SEMA3C: variants seen among roughly 807,000 people sequenced by gnomAD.
The protein encoded by SEMA3C is semaphorin-3C.
In SEMA3C, 47 loss-of-function variants were observed where a neutral mutation model predicts 89.4. The observed-to-expected ratio is 0.53, with a 90% CI of 0.42 to 0.67. The LOEUF (loss-of-function observed/expected upper bound fraction) is 0.67, where lower values mean the gene tolerates loss of function less well. Among genes scored for constraint, SEMA3C ranks in the 30% least tolerant of loss-of-function variants. The probability of loss-of-function intolerance (pLI) is 0.00; values close to 1 mark genes in which losing one functional copy is unlikely to be tolerated. For synonymous variants in SEMA3C, 310 were observed against 320.2 expected, an observed-to-expected ratio of 0.97 and a Z score of 0.34; for missense variants, 839 against 929.1, an observed-to-expected ratio of 0.90 and a Z score of 1.26.
chr7:80,815,846 T>G (rs1418109660), intron 5 of SEMA3C: 1 of 152,108 alleles, frequency 6.6e-6, no homozygotes, highest in Non-Finnish European at 1.5e-5. Context: ...GGAGCTTAAT[T>G]GGTATCTGGG....
rs1299550016 is a variant in SEMA3C at position 80,789,347 on chromosome 7, T to C, written c.1313A>G (p.Asn438Ser). 1 of 1,613,910 alleles carries C rather than the reference T, an allele frequency of 6.2e-7. No homozygotes were observed. Among genetic ancestry groups the C allele is most frequent in the East Asian group, 2.2e-5 (1 of 44,888 alleles). ...GACATGGTATCTCCCATCAGCAGCG[T>C]TCACTCGATCCACAGCTATCTTTGT... ...KYTKIAVDRV[N>S]AADGRYHVLF... The change falls in exon 12 of 18, where the codon AAC (asparagine) becomes AGC (serine). Residue 438 changes from asparagine (N) to serine (S), a missense_variant. Coordinates refer to ENST00000265361, the MANE Select transcript of SEMA3C (RefSeq NM_006379.5).
At chr7:80,795,514 T>C (rs894230289) in intron 11 of SEMA3C, among the ~76,000 whole-genome samples, 1 of 152,200 alleles carries the variant, frequency 6.6e-6, no homozygotes, top group Non-Finnish European at 1.5e-5. Flanking sequence ...TAACCCTGGC[T>C]TACTCTACAC....
At chr7:80,811,723 TTTAAGGAGA>T (rs1355373824) in intron 5 of SEMA3C, among the ~76,000 whole-genome samples, 2 of 152,152 alleles carry the variant, frequency 1.3e-5, no homozygotes, top group Non-Finnish European at 2.9e-5. Context: ...TATCTTGAGC[TTTAAGGAGA>T]TTGGGAATGA....
chr7:80,853,744 T>C (rs1205304864), intron 2 of SEMA3C, among the ~76,000 whole-genome samples: 2 of 152,182 alleles, frequency 1.3e-5, no homozygotes, highest in Non-Finnish European at 2.9e-5. Context: ...CAATAATTTA[T>C]TGTACATTTA....
chr7:80,792,569 T>G (rs899796423), intron 11 of SEMA3C, among the ~76,000 whole-genome samples: 1 of 152,210 alleles, frequency 6.6e-6, no homozygotes, highest in African/African-American at 2.4e-5. Context: ...TTTTACTTAA[T>G]GGTAAATGAA....
At chr7:80,835,000 C>G (rs1346175540) in intron 2 of SEMA3C, among the ~76,000 whole-genome samples, 1 of 151,912 alleles carries the variant, frequency 6.6e-6, no homozygotes, top group African/African-American at 2.4e-5. Context: ...GATGTGATAC[C>G]TACAATTCAG....
intron 11 of SEMA3C, among the ~76,000 whole-genome samples, chr7:80,796,139 G>A (rs1200204206): frequency 6.6e-6 from 1 of 152,142 alleles, no homozygotes; most frequent in Non-Finnish European, 1.5e-5. Context: ...AAGAATCACT[G>A]ATGAAAGCAC....
chr7:80,827,642 CTATTA>C (rs1789907437), intron 3 of SEMA3C, among the ~76,000 whole-genome samples, 155 bp from the exon 4 acceptor site: 1 of 151,940 alleles, frequency 6.6e-6, no homozygotes, highest in African/African-American at 2.4e-5. Context: ...AATAAAGATT[CTATTA>C]TTTTAACAAT....
At chr7:80,785,224 G>C (rs572986873) in intron 12 of SEMA3C, among the ~76,000 whole-genome samples, 31 of 152,268 alleles carry the variant, frequency 2.0e-4, no homozygotes, top group Admixed American at 3.3e-4. Context: ...CTACCATGGA[G>C]ATTCTGTAAG....
intron 3 of SEMA3C, 44 bp downstream of exon 3, chr7:80,828,541 C>T: frequency 1.4e-6 from 2 of 1,459,100 alleles, no homozygotes; most frequent in Non-Finnish European, 1.9e-6. Flanking sequence ...AAAAAAGAGA[C>T]ATTGAAAAGG....
intron 2 of SEMA3C, among the ~76,000 whole-genome samples, chr7:80,863,507 G>A (rs1481911622): frequency 1.3e-5 from 2 of 151,764 alleles, no homozygotes; most frequent in East Asian, 3.9e-4. Context: ...CCACTACTGG[G>A]TATCTACCAG....
At chr7:80,837,860 T>C (rs559174337) in intron 2 of SEMA3C, among the ~76,000 whole-genome samples, 2 of 152,268 alleles carry the variant, frequency 1.3e-5, no homozygotes, top group South Asian at 4.1e-4. Context: ...TCATCTGAAA[T>C]GGTCTACAAT....
At position 80,745,212 on chromosome 7, in the gene SEMA3C, T is replaced by C. The variant is rs147454288; in HGVS notation, c.1938A>G (p.Thr646=). 131 of 1,614,064 alleles carry C rather than the reference T, an allele frequency of 8.1e-5. 1 individual carries two copies. Among genetic ancestry groups the C allele is most frequent in the Middle Eastern group, 3.3e-4 (2 of 6,060 alleles). The change falls in exon 18 of 18, where the codon ACA becomes ACG. Residue 646 remains threonine, a synonymous_variant. Coordinates refer to ENST00000265361, the MANE Select transcript of SEMA3C (RefSeq NM_006379.5). ...SDQGLYHCIA[T]ENSFKQTIAK... is the part of the protein sequence containing the mutation. ...CTATGGTCTGCTTGAAACTATTTTC[T>C]GTAGCAATGCAGTGATAAAGTCCTT...
Position 80,804,542 on chromosome 7 carries a change from G to GA in SEMA3C, c.659-295dup, listed in dbSNP as rs557436799. On this transcript the variant is annotated intron_variant, in intron 7 of 17. Transcript: ENST00000265361. ...TAAGGAATCTGATGGCTATTTTATT[G>GA]AAAAAAAATATTTATTTTTCAAAGT... Among the ~76,000 whole-genome samples, 23 of 151,752 alleles carry GA rather than the reference G, an allele frequency of 1.5e-4. No individual in the cohort carries two copies. In the East Asian group the frequency reaches 2.5e-3, roughly 17 times the overall value.
intron 2 of SEMA3C, among the ~76,000 whole-genome samples, chr7:80,863,884 T>TAC (rs1347195564): frequency 2.7e-4 from 33 of 120,294 alleles, no homozygotes; most frequent in South Asian, 1.1e-3. Context: ...ATGTATCACA[T>TAC]ATATATCACA....
chr7:80,909,416 TATTCAAA>T lies in SEMA3C; in HGVS notation c.103+7256_103+7262del, dbSNP rs531883909. ...AAGGTTAAATATAAGAGCAATCTTG[TATTCAAA>T]ATTCAAAGTCTGGTACCTGATCATT... is the stretch of plus-strand genomic sequence containing the variant. On this transcript the variant is annotated intron_variant, in intron 2 of 17. Coordinates refer to ENST00000265361, the MANE Select transcript of SEMA3C (RefSeq NM_006379.5). Among the ~76,000 whole-genome samples, 655 of 152,312 alleles carry T rather than the reference TATTCAAA, an allele frequency of 4.3e-3. 6 individuals carry two copies. The highest frequency in any genetic ancestry group is 0.015 in the African/African-American group (629 of 41,572).
intron 2 of SEMA3C, among the ~76,000 whole-genome samples, chr7:80,831,171 C>T (rs1292396003): frequency 1.3e-5 from 2 of 152,144 alleles, no homozygotes; most frequent in Non-Finnish European, 2.9e-5. Context: ...CACAGACTAG[C>T]GCAGTAAAAT....
intron 2 of SEMA3C, among the ~76,000 whole-genome samples, chr7:80,885,293 A>G (rs1016096839): frequency 6.6e-6 from 1 of 151,930 alleles, no homozygotes; most frequent in Non-Finnish European, 1.5e-5. Flanking sequence ...CCCTAGGTAA[A>G]TTGTTTAAGG....
At chr7:80,796,822 C>T (rs1789077134) in intron 11 of SEMA3C, among the ~76,000 whole-genome samples, 1 of 152,022 alleles carries the variant, frequency 6.6e-6, no homozygotes, top group Non-Finnish European at 1.5e-5. Flanking sequence ...TTTGAGCTTC[C>T]TAGCCAGGAA....
Sources: gnomAD v4.1 joint callset for allele counts (sites outside exome capture counted in the v4.1 genomes callset) on GRCh38, gnomAD v4.1.1 for gene constraint, MANE v1.5 for transcripts, NCBI Gene and HGNC (gene_info 2026-07-23, HGNC 2026-07-21) for gene names.